The following HYCC1 variants were observed in gnomAD, a reference collection of about 807,000 sequenced individuals.
The protein encoded by HYCC1 is hyccin.
the HYCC1 span, among the ~76,000 whole-genome samples, chr7:23,000,138 C>G: frequency 6.6e-6 from 1 of 152,026 alleles, no homozygotes; most frequent in East Asian, 1.9e-4. Context: ...TAAATCTTTT[C>G]CACATAATTA....
At chr7:22,940,492 T>G in the HYCC1 span, 2 of 152,114 alleles carry the variant, frequency 1.3e-5, no homozygotes, top group African/African-American at 4.8e-5. Flanking sequence ...CTTCAGGTGA[T>G]CCACCCACCT....
the HYCC1 span, chr7:22,947,297 A>G: frequency 6.8e-7 from 1 of 1,464,024 alleles, no homozygotes; most frequent in African/African-American, 1.4e-5. Flanking sequence ...CAAAACAAAA[A>G]CGTGAAATGA....
chr7:22,906,309 G>A, the HYCC1 span, among the ~76,000 whole-genome samples: 1 of 152,130 alleles, frequency 6.6e-6, no homozygotes, highest in Admixed American at 6.5e-5. Context: ...AATGATACAT[G>A]ACTCAAACCT....
chr7:22,991,442 A>T, the HYCC1 span, among the ~76,000 whole-genome samples: 1 of 152,112 alleles, frequency 6.6e-6, no homozygotes, highest in Non-Finnish European at 1.5e-5. Flanking sequence ...ATAATTTCAA[A>T]AAGATCATTT....
the HYCC1 span, among the ~76,000 whole-genome samples, chr7:22,919,743 T>G: frequency 6.6e-6 from 1 of 151,894 alleles, no homozygotes; most frequent in Non-Finnish European, 1.5e-5. Context: ...TGACAGAGAT[T>G]AGACAATCAG....
At chr7:22,918,099 C>G in the HYCC1 span, among the ~76,000 whole-genome samples, 1 of 152,080 alleles carries the variant, frequency 6.6e-6, no homozygotes, top group Non-Finnish European at 1.5e-5. Context: ...TCAATCTAGC[C>G]TGGTATATGA....
chr7:22,976,406 G>A, the HYCC1 span: 3 of 828,132 alleles, frequency 3.6e-6, no homozygotes, highest in Non-Finnish European at 6.1e-6. Context: ...CAATGTTACA[G>A]AACAGACCTG....
chr7:22,938,389 G>A, the HYCC1 span: 1 of 152,128 alleles, frequency 6.6e-6, no homozygotes, highest in Non-Finnish European at 1.5e-5. Flanking sequence ...TAAACCATTT[G>A]AGCATAGATC....
At chr7:22,996,597 T>TAAAAAAAA in the HYCC1 span, among the ~76,000 whole-genome samples, 69 of 106,508 alleles carry the variant, frequency 6.5e-4, 1 homozygote, top group African/African-American at 1.5e-3. Flanking sequence ...GTACAATTGT[T>TAAAAAAAA]AAAAAAAAAA....
chr7:22,994,857 T>G, the HYCC1 span, among the ~76,000 whole-genome samples: 12 of 152,110 alleles, frequency 7.9e-5, no homozygotes, highest in African/African-American at 2.9e-4. Context: ...TACAGACACC[T>G]AGATGACACT....
the HYCC1 span, among the ~76,000 whole-genome samples, chr7:22,910,971 T>C: frequency 1.3e-5 from 2 of 152,156 alleles, no homozygotes; most frequent in Non-Finnish European, 2.9e-5. Flanking sequence ...ATACAACAAT[T>C]AGGGCTTATC....
At chr7:22,945,551 C>T in the HYCC1 span, 1 of 1,461,526 alleles carries the variant, frequency 6.8e-7, no homozygotes, top group East Asian at 2.3e-5. Flanking sequence ...GTTGTATTTC[C>T]AGGTTCACTA....
chr7:22,917,710 G>A, the HYCC1 span, among the ~76,000 whole-genome samples: 8 of 152,176 alleles, frequency 5.3e-5, no homozygotes, highest in East Asian at 7.7e-4. Context: ...TAGTCAAATC[G>A]CCCAAGCAGT....
the HYCC1 span, among the ~76,000 whole-genome samples, chr7:23,006,334 T>A: frequency 1.3e-5 from 2 of 152,150 alleles, no homozygotes; most frequent in African/African-American, 2.4e-5. Context: ...TGGCACAATC[T>A]TGGCTCACTG....
At chr7:22,973,326 G>C in the HYCC1 span, among the ~76,000 whole-genome samples, 1 of 152,222 alleles carries the variant, frequency 6.6e-6, no homozygotes, top group East Asian at 1.9e-4. Context: ...ATTCATCTTA[G>C]AAATGTACAA....
At chr7:22,980,934 A>G in the HYCC1 span, among the ~76,000 whole-genome samples, 2 of 152,208 alleles carry the variant, frequency 1.3e-5, no homozygotes, top group African/African-American at 2.4e-5. Context: ...CTGCCTCTTT[A>G]TAAGTTTCTT....
At chr7:22,966,263 C>G in the HYCC1 span, among the ~76,000 whole-genome samples, 3 of 151,964 alleles carry the variant, frequency 2.0e-5, no homozygotes, top group African/African-American at 7.3e-5. Flanking sequence ...ACTTTCTGAC[C>G]AACATGCACT....
the HYCC1 span, among the ~76,000 whole-genome samples, chr7:23,012,997 C>A: frequency 1.1e-3 from 162 of 152,262 alleles, no homozygotes; most frequent in African/African-American, 3.3e-3. Flanking sequence ...ACCTGAAGAG[C>A]GCCGCGGCTG....
At chr7:22,955,693 A>G in the HYCC1 span, among the ~76,000 whole-genome samples, 1 of 151,802 alleles carries the variant, frequency 6.6e-6, no homozygotes, top group African/African-American at 2.4e-5. Flanking sequence ...GAAAATAGCA[A>G]TTAGATTTGC....
Sources: gnomAD v4.1 joint callset for allele counts (sites outside exome capture counted in the v4.1 genomes callset) on GRCh38, gnomAD v4.1.1 for gene constraint, MANE v1.5 for transcripts, NCBI Gene and HGNC (gene_info 2026-07-23, HGNC 2026-07-21) for gene names.